ERC1: variants seen among roughly 807,000 people sequenced by gnomAD.
ERC1 encodes RAB6 interacting protein 2.
ERC1 carries 56 observed loss-of-function variants against 132.0 expected under a neutral mutation model. That is an observed-to-expected ratio of 0.42 (90% confidence interval 0.34 to 0.53). ERC1 has a LOEUF of 0.53. Ranked by LOEUF, ERC1 falls within the 20% of genes least tolerant of loss-of-function variation. The pLI, the probability that ERC1 is intolerant of heterozygous loss-of-function variation, is 0.03. For synonymous variants in ERC1, 478 were observed against 476.1 expected (o/e 1.00, Z -0.05); for missense variants, 1,202 against 1,349.9 (o/e 0.89, Z 1.72).
At chr12:1,123,040 G>A (rs1392362298) in intron 7 of ERC1, among the ~76,000 whole-genome samples, 2 of 152,180 alleles carry the variant, frequency 1.3e-5, no homozygotes, top group African/African-American at 4.8e-5. Context: ...TCCAGCTGGT[G>A]AGATGGCACT....
rs900546279 is a variant in ERC1, at chr12:1,493,698, T to C, written c.*3468T>C. 3.0e-5 allele frequency: 6 copies of C among 199,884 alleles called. 1 individual carries two copies. Among genetic ancestry groups the C allele is most frequent in the Admixed American group, 2.4e-4 (4 of 16,456 alleles). The allele number at this position is 199,884 out of a possible 1,614,324, so 12.4% of individuals were successfully genotyped here. A position where few individuals can be genotyped will look rare whatever the true frequency, so the allele number is the denominator to read the frequency against. On this transcript the variant is annotated 3_prime_UTR_variant, in exon 19 of 19. Coordinates refer to ENST00000360905, the MANE Select transcript of ERC1 (RefSeq NM_178040.4). ...CTCACACTTGGGTTTTAGAAATAAC[T>C]TGTAAAGCAGACTGGACCCAAGGCC...
chr12:1,160,100 C>G (rs1424856036), intron 8 of ERC1, among the ~76,000 whole-genome samples: 2 of 135,574 alleles, frequency 1.5e-5, no homozygotes, highest in Non-Finnish European at 3.2e-5. Context: ...TCTGACAAGT[C>G]TTGATTTGAC....
chr12:1,172,132 T>A (rs1953129608), intron 8 of ERC1, among the ~76,000 whole-genome samples: 1 of 152,214 alleles, frequency 6.6e-6, no homozygotes, highest in Non-Finnish European at 1.5e-5. Flanking sequence ...AGAGGTCATT[T>A]TAAGGAATAA....
At chr12:1,139,925 C>G (rs1406327977) in intron 7 of ERC1, among the ~76,000 whole-genome samples, 1 of 152,102 alleles carries the variant, frequency 6.6e-6, no homozygotes, top group African/African-American at 2.4e-5. Flanking sequence ...TGAAAGTTCT[C>G]AGGTAGATCT....
At chr12:1,376,571 A>G (rs955601022) in intron 16 of ERC1, among the ~76,000 whole-genome samples, 28 of 152,304 alleles carry the variant, frequency 1.8e-4, no homozygotes, top group African/African-American at 6.0e-4. Flanking sequence ...GAGTGTCTTC[A>G]TTATTTGGGG....
intron 12 of ERC1, among the ~76,000 whole-genome samples, chr12:1,206,411 T>C (rs917614597): frequency 6.6e-6 from 1 of 152,128 alleles, no homozygotes; most frequent in Non-Finnish European, 1.5e-5. Context: ...CTGTAGTATT[T>C]GTATTTTAGT....
intron 2 of ERC1, among the ~76,000 whole-genome samples, chr12:1,044,577 A>G (rs1332620500): frequency 6.6e-6 from 1 of 152,236 alleles, no homozygotes; most frequent in Non-Finnish European, 1.5e-5. Flanking sequence ...TATGGACAAG[A>G]CTACCTGACA....
At chr12:1,010,141 G>A (rs1027008728) in intron 1 of ERC1, among the ~76,000 whole-genome samples, 1 of 152,148 alleles carries the variant, frequency 6.6e-6, no homozygotes, top group Non-Finnish European at 1.5e-5. Flanking sequence ...ATTCAGAGAA[G>A]CGTGGTAACC....
chr12:1,058,199 C>G (rs1039473351), intron 2 of ERC1, among the ~76,000 whole-genome samples: 2 of 152,036 alleles, frequency 1.3e-5, no homozygotes, highest in African/African-American at 4.8e-5. Context: ...GTTATAGTCC[C>G]ATTTGTCTAT....
At chr12:1,453,670 T>G (rs988098086) in intron 18 of ERC1, among the ~76,000 whole-genome samples, 3 of 152,184 alleles carry the variant, frequency 2.0e-5, no homozygotes, top group Non-Finnish European at 4.4e-5. Context: ...TAATTTCTAT[T>G]TTTGTCCCCA....
Position 1,058,853 on chromosome 12 carries a change from A to G in ERC1, c.670-24311A>G, listed in dbSNP as rs922338343. 3.5e-5 allele frequency among the ~76,000 whole-genome samples: 5 copies of G among 142,398 alleles called. No individual in the cohort carries two copies. The East Asian group carries it at 1.0e-3, about 29-fold the overall frequency. 93.4% of individuals were successfully genotyped at this position (142,398 alleles called of 152,430 possible). On this transcript the variant is annotated intron_variant, in intron 2 of 18. Coordinates refer to ENST00000360905, the MANE Select transcript of ERC1 (RefSeq NM_178040.4). ...CTCATCCCAGCTACAGTGTAGTAGT[A>G]TGATCATAGCTCACTGAAACCTCAA...
chr12:1,406,045 G>A (rs2091469236), intron 16 of ERC1, among the ~76,000 whole-genome samples: 1 of 152,166 alleles, frequency 6.6e-6, no homozygotes, highest in African/African-American at 2.4e-5. Flanking sequence ...TCATGATAAT[G>A]ATGATAGCTA....
intron 15 of ERC1, among the ~76,000 whole-genome samples, chr12:1,297,103 GAAAA>G (rs1377962431): frequency 6.7e-6 from 1 of 149,464 alleles, no homozygotes; most frequent in African/African-American, 2.5e-5. Context: ...AGCAGCCTAA[GAAAA>G]AAGGCACAGT....
At chr12:991,081 C>T (rs1353663837), upstream of ERC1, 1 of 151,614 alleles carries the variant, frequency 6.6e-6, no homozygotes, top group African/African-American at 2.4e-5. Context: ...CCGGAGGCCC[C>T]CGGGCCGCCG....
At chr12:1,112,904 T>C (rs912186560) in intron 6 of ERC1, among the ~76,000 whole-genome samples, 2 of 152,216 alleles carry the variant, frequency 1.3e-5, no homozygotes, top group Admixed American at 6.5e-5. Context: ...AATAATAAAA[T>C]AAATACAGTT....
intron 15 of ERC1, among the ~76,000 whole-genome samples, chr12:1,366,166 T>C (rs575751601): frequency 6.6e-6 from 1 of 152,318 alleles, no homozygotes; most frequent in South Asian, 2.1e-4. Flanking sequence ...TTTACTGAAC[T>C]GTTCATTTAT....
intron 18 of ERC1, among the ~76,000 whole-genome samples, chr12:1,487,315 G>T (rs2094235609): frequency 6.7e-6 from 1 of 149,444 alleles, no homozygotes; most frequent in Non-Finnish European, 1.5e-5. Context: ...TTGACTCAGA[G>T]CATCTAGATT....
intron 7 of ERC1, among the ~76,000 whole-genome samples, chr12:1,126,986 C>CAAAAAAAAAAAAAAAAAAAAAAA (rs71055135): frequency 2.6e-5 from 3 of 114,212 alleles, no homozygotes; most frequent in South Asian, 2.4e-4. Flanking sequence ...GATTCTGTCT[C>CAAAAAAAAAAAAAAAAAAAAAAA]AAAAAAAAAA....
At chr12:1,246,575 C>A (rs1158744081) in intron 13 of ERC1, among the ~76,000 whole-genome samples, 1 of 152,142 alleles carries the variant, frequency 6.6e-6, no homozygotes, top group Non-Finnish European at 1.5e-5. Context: ...TTCATAGTCT[C>A]AAAATGTTTT....
Sources: allele counts gnomAD v4.1 joint callset (sites outside exome capture counted in the v4.1 genomes callset), GRCh38; gene constraint gnomAD v4.1.1; transcripts MANE v1.5; gene names NCBI Gene and HGNC (gene_info 2026-07-23, HGNC 2026-07-21).